Variants in NFIB observed in about 807,000 individuals in gnomAD.
NFIB encodes the protein nuclear factor 1 B-type.
Under a neutral mutation model 61.5 loss-of-function variants are expected in NFIB, and 11 were observed. The observed-to-expected ratio is 0.18, with a 90% CI of 0.11 to 0.30. NFIB has a LOEUF of 0.30. NFIB is among the 10% of genes least tolerant of loss of function. The pLI is 1.00. For synonymous variants in NFIB, 260 were observed against 216.5 expected (o/e 1.20, Z -1.76); for missense variants, 471 against 608.9 (o/e 0.77, Z 2.38).
intron 2 of NFIB, among the ~76,000 whole-genome samples, chr9:14,216,461 T>G (rs1317550346): frequency 2.0e-5 from 3 of 151,854 alleles, no homozygotes; most frequent in Non-Finnish European, 2.9e-5. Context: ...TGCATCTGTA[T>G]CCACAGGTAA....
In NFIB at chr9:14,143,004, A is replaced by T. The variant is rs555234072; in HGVS notation, c.925+3685T>A. ...AAAGTAAAAATATAAATACTACATAATATAGATGCTGACAAATTTAATTTT... is the reference window on the plus strand; with the variant it reads ...AAAGTAAAAATATAAATACTACATATTATAGATGCTGACAAATTTAATTTT... On this transcript the variant is annotated intron_variant, in intron 6 of 10. Coordinates refer to ENST00000380953, the MANE Select transcript of NFIB (RefSeq NM_001190737.2). Among the ~76,000 whole-genome samples the T allele has an allele frequency of 1.9e-3, 294 of 152,218 alleles. 1 individual carries two copies. The highest frequency in any genetic ancestry group is 6.8e-3 in the Middle Eastern group (2 of 294).
At chr9:14,408,026 A>C in the NFIB span, among the ~76,000 whole-genome samples, 4 of 152,224 alleles carry the variant, frequency 2.6e-5, no homozygotes, top group African/African-American at 9.6e-5. Flanking sequence ...CCTGTAAATA[A>C]GTAGAATTAT....
chr9:14,345,239 C>G lies in NFIB; in HGVS notation c.109-37719G>C, dbSNP rs553007357. On this transcript the variant is annotated intron_variant, in intron 1 of 8. Coordinates refer to the NFIB transcript ENST00000380934. ...CAAAGCCTTTAACTTTTTGTTCCCA[C>G]GGAGACTCCTAGCTTCCTCCTGTCC... Among the ~76,000 whole-genome samples the G allele has an allele frequency of 1.6e-4, 24 of 152,288 alleles. 1 individual carries two copies. The South Asian group carries it at 3.1e-3, about 20-fold the overall frequency.
intron 1 of NFIB, among the ~76,000 whole-genome samples, chr9:14,309,417 T>A (rs2060181187): frequency 6.6e-6 from 1 of 152,162 alleles, no homozygotes. Context: ...CCAGAATAAG[T>A]ATGAATCAAA....
chr9:14,305,591 GA>G (rs1563994118), intron 2 of NFIB, among the ~76,000 whole-genome samples: 1 of 152,044 alleles, frequency 6.6e-6, no homozygotes, highest in Non-Finnish European at 1.5e-5. Flanking sequence ...ATTTTTTCAG[GA>G]AAAGGTAATA....
chr9:14,236,509 G>C (rs1472338154), intron 2 of NFIB, among the ~76,000 whole-genome samples: 1 of 152,210 alleles, frequency 6.6e-6, no homozygotes, highest in Non-Finnish European at 1.5e-5. Context: ...CATGTATCTA[G>C]ATTTAGGACG....
At chr9:14,285,580 G>A (rs779492755) in intron 2 of NFIB, among the ~76,000 whole-genome samples, 9 of 152,164 alleles carry the variant, frequency 5.9e-5, no homozygotes, top group African/African-American at 9.7e-5. Flanking sequence ...GAAGTCCAGC[G>A]ATAACTGCAT....
At chr9:14,247,989 A>G (rs1401663903) in intron 2 of NFIB, among the ~76,000 whole-genome samples, 1 of 150,282 alleles carries the variant, frequency 6.7e-6, no homozygotes, top group African/African-American at 2.5e-5. Flanking sequence ...CTGGAGTACA[A>G]CGGCATAATC....
At chr9:14,473,980 C>A in the NFIB span, among the ~76,000 whole-genome samples, 2 of 152,154 alleles carry the variant, frequency 1.3e-5, no homozygotes, top group African/African-American at 4.8e-5. Context: ...CTTCAGGAAG[C>A]CGCTGGACAT....
chr9:14,209,152 A>G (rs2050053919), intron 2 of NFIB, among the ~76,000 whole-genome samples: 1 of 152,232 alleles, frequency 6.6e-6, no homozygotes, highest in South Asian at 2.1e-4. Context: ...GCTGCAGATT[A>G]TAACTACTGT....
intron 1 of NFIB, among the ~76,000 whole-genome samples, chr9:14,329,292 T>C (rs1207564546): frequency 6.6e-6 from 1 of 152,168 alleles, no homozygotes; most frequent in Non-Finnish European, 1.5e-5. Context: ...TTAATGTTTT[T>C]TTCAGAGCAT....
chr9:14,278,129 T>G (rs1392501867), intron 2 of NFIB, among the ~76,000 whole-genome samples: 3 of 152,200 alleles, frequency 2.0e-5, no homozygotes, highest in Non-Finnish European at 4.4e-5. Flanking sequence ...ATGACCAGTA[T>G]GTCTTTCTAA....
intron 2 of NFIB, among the ~76,000 whole-genome samples, chr9:14,245,856 G>C (rs1319081155): frequency 1.3e-5 from 2 of 152,112 alleles, no homozygotes; most frequent in Non-Finnish European, 2.9e-5. Flanking sequence ...CTGGGTGACA[G>C]AGCGAGACTC....
At chr9:14,129,854 A>G (rs955034149) in intron 6 of NFIB, among the ~76,000 whole-genome samples, 2 of 152,200 alleles carry the variant, frequency 1.3e-5, no homozygotes, top group African/African-American at 4.8e-5. Context: ...TGAATAATAC[A>G]TAAAATAAAG....
the NFIB span, among the ~76,000 whole-genome samples, chr9:14,513,007 G>C: frequency 6.7e-6 from 1 of 150,076 alleles, no homozygotes; most frequent in East Asian, 1.9e-4. Flanking sequence ...TAACTGCTTA[G>C]GTTTTGTATT....
At chr9:14,430,588 ATTTATTTAT>A in the NFIB span, among the ~76,000 whole-genome samples, 73 of 152,014 alleles carry the variant, frequency 4.8e-4, no homozygotes, top group East Asian at 3.5e-3. Flanking sequence ...TTATTTATTT[ATTTATTTAT>A]TTGAGACACA....
intron 2 of NFIB, among the ~76,000 whole-genome samples, chr9:14,295,633 A>AAAAC (rs35605571): frequency 0.74 from 110,156 of 149,638 alleles, 42,533 homozygotes; most frequent in Middle Eastern, 0.87. Flanking sequence ...TCCTTCTCAA[A>AAAAC]AAACAAACAA....
the NFIB span, among the ~76,000 whole-genome samples, chr9:14,466,539 G>T: frequency 6.6e-6 from 1 of 152,216 alleles, no homozygotes; most frequent in Non-Finnish European, 1.5e-5. Flanking sequence ...AAGCAATGGA[G>T]GCGGGTGCTT....
At chr9:14,451,734 T>C in the NFIB span, among the ~76,000 whole-genome samples, 1 of 152,230 alleles carries the variant, frequency 6.6e-6, no homozygotes, top group Admixed American at 6.5e-5. Flanking sequence ...ACATAGAATA[T>C]GAAAACTTGT....
Sources: gnomAD v4.1 joint callset for allele counts (sites outside exome capture counted in the v4.1 genomes callset) on GRCh38, gnomAD v4.1.1 for gene constraint, MANE v1.5 for transcripts, NCBI Gene and HGNC (gene_info 2026-07-23, HGNC 2026-07-21) for gene names.